Variants in C8B observed in about 807,000 individuals in gnomAD.
The protein encoded by C8B is complement component C8 beta chain.
Under a neutral mutation model 64.6 loss-of-function variants are expected in C8B, and 67 were observed. The observed-to-expected ratio is 1.04, with a 90% CI of 0.85 to 1.27. The LOEUF is 1.27. Among genes scored for constraint, C8B ranks in the 50% most tolerant of loss-of-function variants. The pLI is 0.00. For missense variants in C8B, 790 were observed against 725.2 expected, an observed-to-expected ratio of 1.09 and a Z score of -1.03; for synonymous variants, 284 against 257.7, an observed-to-expected ratio of 1.10 and a Z score of -0.98.
intron 9 of C8B, among the ~76,000 whole-genome samples, chr1:56,936,378 A>T (rs965102879): frequency 3.9e-5 from 6 of 152,108 alleles, no homozygotes; most frequent in Non-Finnish European, 5.9e-5. Context: ...AGTTACTTTA[A>T]TTTTTATTTT....
chr1:56,952,039 G>T lies in C8B; in HGVS notation c.666+9C>A. On this transcript the variant is annotated intron_variant, in intron 5 of 11. Transcript: ENST00000371237. Reference sequence around the variant, plus strand: ...GGGCTCCCTCCACTGCTACCTGGCTGTCTCTTACCTGTGGCGTGTAGCTTT... The same window carrying T: ...GGGCTCCCTCCACTGCTACCTGGCTTTCTCTTACCTGTGGCGTGTAGCTTT... 1 of 1,613,782 alleles carries T rather than the reference G, an allele frequency of 6.2e-7. No homozygotes were observed. The highest frequency in any genetic ancestry group is 1.7e-5 in the Admixed American group (1 of 60,020).
intron 11 of C8B, chr1:56,931,458 T>C (rs966472069): frequency 3.0e-6 from 1 of 336,322 alleles, no homozygotes; most frequent in African/African-American, 2.1e-5. Context: ...ATTAGAGGAA[T>C]TTTTTATGGA....
In C8B at chr1:56,949,819, G is replaced by A. The variant is rs537112707; in HGVS notation, c.667-67C>T. The stretch of plus-strand genomic sequence containing the variant: ...CAAATCAGTTCAATACCAGTGAGCA[G>A]ACAGCCACTCTACTCCTACCATGTG... On this transcript the variant is annotated intron_variant, in intron 5 of 11. Coordinates refer to ENST00000371237, the MANE Select transcript of C8B (RefSeq NM_000066.4). 4 of 1,067,116 alleles carry A rather than the reference G, an allele frequency of 3.7e-6. No individual in the cohort carries two copies. The East Asian group carries it at 1.0e-4, about 27-fold the overall frequency. 66.1% of individuals were successfully genotyped at this position (1,067,116 alleles called of 1,614,324 possible).
At chr1:56,952,248 C>A in intron 4 of C8B, 68 bp from the exon 5 acceptor site, 1 of 1,603,932 alleles carries the variant, frequency 6.2e-7, no homozygotes, top group South Asian at 1.1e-5. Flanking sequence ...ACTGTCAGAC[C>A]CTACTGAACG....
intron 6 of C8B, among the ~76,000 whole-genome samples, chr1:56,948,896 A>C (rs1644980755): frequency 6.6e-6 from 1 of 152,216 alleles, no homozygotes; most frequent in South Asian, 2.1e-4. Context: ...TCTGGTCTTC[A>C]AAGCTACATC....
Position 56,965,990 on chromosome 1 carries a change from C to T in C8B, c.-42G>A. ...GAGATGCCACAGAGGCTGCTAGACCCATAACAAGCCTGTGCTGTGAGTGCC... is the reference window on the plus strand; with the variant it reads ...GAGATGCCACAGAGGCTGCTAGACCTATAACAAGCCTGTGCTGTGAGTGCC... On this transcript the variant is annotated 5_prime_UTR_variant, in exon 1 of 12. The change abolishes an upstream ATG in the 5' untranslated region. Transcript: ENST00000371237. 6.2e-7 allele frequency: 1 copy of T among 1,612,592 alleles called. No individual in the cohort carries two copies. The highest frequency in any genetic ancestry group is 8.5e-7 in the Non-Finnish European group (1 of 1,179,916).
chr1:56,947,077 G>T (rs1019896632), intron 6 of C8B, among the ~76,000 whole-genome samples: 4 of 152,080 alleles, frequency 2.6e-5, no homozygotes, highest in African/African-American at 9.7e-5. Context: ...CATTTTGTTT[G>T]CATTATTATA....
At chr1:56,959,583 AGT>A in intron 2 of C8B, 6 of 1,535,506 alleles carry the variant, frequency 3.9e-6, no homozygotes, top group Non-Finnish European at 5.2e-6. Context: ...GAGTCATACA[AGT>A]GTCCATTGTG....
intron 4 of C8B, among the ~76,000 whole-genome samples, chr1:56,952,704 T>A (rs766134731): frequency 6.6e-6 from 1 of 152,232 alleles, no homozygotes; most frequent in Non-Finnish European, 1.5e-5. Context: ...ATCCAATCTC[T>A]GTTCTGCCCC....
At chr1:56,937,978 A>G (rs1319604078) in intron 9 of C8B, among the ~76,000 whole-genome samples, 1 of 152,206 alleles carries the variant, frequency 6.6e-6, no homozygotes, top group Non-Finnish European at 1.5e-5. Context: ...CCTGTAGGAT[A>G]TATTTGTTCC....
intron 6 of C8B, among the ~76,000 whole-genome samples, chr1:56,947,746 A>G (rs1184766192): frequency 1.3e-5 from 2 of 151,992 alleles, no homozygotes; most frequent in Non-Finnish European, 2.9e-5. Flanking sequence ...CCTGGTTAAC[A>G]TGGTGAAACC....
intron 1 of C8B, among the ~76,000 whole-genome samples, chr1:56,962,742 C>A (rs1033890330): frequency 6.6e-6 from 1 of 152,178 alleles, no homozygotes; most frequent in African/African-American, 2.4e-5. Flanking sequence ...TTTTGCTCCC[C>A]CCACCTTACC....
At chr1:56,963,214 G>A (rs737097) in intron 1 of C8B, among the ~76,000 whole-genome samples, 29,354 of 152,024 alleles carry the variant, frequency 0.19, 3,003 homozygotes, top group Non-Finnish European at 0.22. Context: ...CCTAACAGGC[G>A]TCTCTGATCA....
rs1193623150 is a variant in C8B, at chr1:56,933,408, C to T, written c.1479G>A (p.Leu493=). The part of the protein sequence containing the change: ...STVRQNMKQA[L]EEFQKEVSSC... ...AACTAACTTCCTTCTGGAACTCCTC[C>T]AGTGCCTGCTTCATGTTCTGCCTCA... Residue 493 remains leucine (L), a synonymous_variant, in exon 10 of 12, where the codon CTG becomes CTA. Coordinates refer to ENST00000371237, the MANE Select transcript of C8B (RefSeq NM_000066.4). 2 of 1,613,584 alleles carry T rather than the reference C, an allele frequency of 1.2e-6. No homozygotes were observed. Among genetic ancestry groups the T allele is most frequent in the Non-Finnish European group, 1.7e-6 (2 of 1,179,518 alleles).
chr1:56,936,794 T>C (rs1342028449), intron 9 of C8B, among the ~76,000 whole-genome samples: 2 of 152,146 alleles, frequency 1.3e-5, no homozygotes, highest in African/African-American at 4.8e-5. Context: ...GTTTTCACCA[T>C]GTTGGCCAGG....
At chr1:56,951,963 T>C (rs1645026169) in intron 5 of C8B, 85 bp downstream of exon 5, 4 of 397,200 alleles carry the variant, frequency 1.0e-5, no homozygotes, top group Non-Finnish European at 1.5e-5. Context: ...AGAAAAGGGC[T>C]AGCAGGCTGT....
chr1:56,946,244 C>A (rs1644940825), intron 6 of C8B, among the ~76,000 whole-genome samples, 183 bp from the exon 7 acceptor site: 1 of 152,136 alleles, frequency 6.6e-6, no homozygotes. Context: ...AATATTCTGA[C>A]ATCCTGTTCA....
chr1:56,939,793 T>G (rs910363168), intron 9 of C8B, among the ~76,000 whole-genome samples: 1 of 152,210 alleles, frequency 6.6e-6, no homozygotes, highest in African/African-American at 2.4e-5. Flanking sequence ...TTGAACCGAA[T>G]AGACTCTTGA....
At chr1:56,943,923 C>G (rs1644903472) in intron 7 of C8B, 99 bp from the exon 8 acceptor site, 5 of 1,401,450 alleles carry the variant, frequency 3.6e-6, no homozygotes, top group Non-Finnish European at 5.0e-6. Flanking sequence ...TTGAATGTCA[C>G]AAGGACTCGG....
Sources: gnomAD v4.1 joint callset for allele counts (sites outside exome capture counted in the v4.1 genomes callset) on GRCh38, gnomAD v4.1.1 for gene constraint, MANE v1.5 for transcripts, NCBI Gene and HGNC (gene_info 2026-07-23, HGNC 2026-07-21) for gene names.